The following CCDC178 variants were observed in gnomAD, a reference collection of about 807,000 sequenced individuals.
CCDC178 encodes the protein coiled-coil domain-containing protein 178.
In CCDC178, 126 loss-of-function variants were observed where a neutral mutation model predicts 117.4. That is an observed-to-expected ratio of 1.07 (90% confidence interval 0.93 to 1.24). CCDC178 has a LOEUF of 1.24. CCDC178 is among the 50% of genes most tolerant of loss of function. The probability of loss-of-function intolerance (pLI) is 0.00; values close to 1 mark genes in which losing one functional copy is unlikely to be tolerated. For missense variants in CCDC178, 1,030 were observed against 986.9 expected (o/e 1.04, Z -0.59); for synonymous variants, 283 against 313.4 (o/e 0.90, Z 1.02).
At chr18:32,968,782 T>G (rs2144679660) in intron 22 of CCDC178, among the ~76,000 whole-genome samples, 1 of 152,130 alleles carries the variant, frequency 6.6e-6, no homozygotes, top group Middle Eastern at 3.4e-3. Context: ...AAAATGCATG[T>G]TTTCTATAAA....
At chr18:33,323,866 GAAATCATTATCTCTTCACTCATAAA>G (rs979669413) in intron 10 of CCDC178, among the ~76,000 whole-genome samples, 6 of 151,622 alleles carry the variant, frequency 4.0e-5, no homozygotes, top group Admixed American at 6.6e-5. Flanking sequence ...TGTCCAAAAT[GAAATCATTATCTCTTCACTCATAAA>G]AAATTTTTAT....
At chr18:33,418,940 C>T (rs1265403373) in intron 2 of CCDC178, among the ~76,000 whole-genome samples, 3 of 152,098 alleles carry the variant, frequency 2.0e-5, no homozygotes, top group African/African-American at 7.2e-5. Flanking sequence ...ATTGCTATTC[C>T]TACAAAACTA....
intron 20 of CCDC178, among the ~76,000 whole-genome samples, chr18:33,122,123 A>C (rs1292161182): frequency 1.3e-5 from 2 of 152,158 alleles, no homozygotes; most frequent in African/African-American, 4.8e-5. Flanking sequence ...TTATTAAGTG[A>C]ACTATGAAAT....
At chr18:33,388,765 C>T (rs1026667461) in intron 5 of CCDC178, among the ~76,000 whole-genome samples, 6 of 151,656 alleles carry the variant, frequency 4.0e-5, no homozygotes, top group Non-Finnish European at 5.9e-5. Flanking sequence ...GTGATCCGCC[C>T]GCCTCGGCCT....
chr18:33,338,060 A>G (rs2062765388), intron 9 of CCDC178, among the ~76,000 whole-genome samples: 1 of 152,186 alleles, frequency 6.6e-6, no homozygotes, highest in Non-Finnish European at 1.5e-5. Context: ...AGCCAGAAAA[A>G]ATCAAATAAT....
intron 12 of CCDC178, among the ~76,000 whole-genome samples, chr18:33,292,545 G>T (rs1040997893): frequency 6.6e-6 from 1 of 151,908 alleles, no homozygotes; most frequent in South Asian, 2.1e-4. Flanking sequence ...AATTCATTCT[G>T]TATTTTCCAC....
rs532634728 is a variant in CCDC178, at chr18:33,411,405, T to C, written c.58+626A>G. ...TCCTTACAAATATAAAAACCATTCT[T>C]AATTTGGGGTCTGTAAATAAAAGGC... On this transcript the variant is annotated intron_variant, in intron 3 of 22. Coordinates refer to ENST00000383096, the MANE Select transcript of CCDC178 (RefSeq NM_001105528.4). 3.3e-5 allele frequency among the ~76,000 whole-genome samples: 5 copies of C among 152,238 alleles called. No homozygotes were observed. In the East Asian group the frequency reaches 5.8e-4, roughly 18 times the overall value.
chr18:33,025,703 G>A (rs767890511), intron 21 of CCDC178, among the ~76,000 whole-genome samples: 1 of 151,924 alleles, frequency 6.6e-6, no homozygotes, highest in Non-Finnish European at 1.5e-5. Flanking sequence ...CTAACAAAAC[G>A]GCTAAAACAA....
At chr18:33,061,582 C>T (rs73417427) in intron 21 of CCDC178, among the ~76,000 whole-genome samples, 2,129 of 152,108 alleles carry the variant, frequency 0.014, 53 homozygotes, top group African/African-American at 0.048. Context: ...CTTTAAGTGG[C>T]AAATATTAAC....
At chr18:33,106,803 G>A (rs2145118719) in intron 20 of CCDC178, among the ~76,000 whole-genome samples, 1 of 151,804 alleles carries the variant, frequency 6.6e-6, no homozygotes, top group South Asian at 2.1e-4. Context: ...TCAGAGAGAT[G>A]TGGAGGAAGA....
intron 15 of CCDC178, among the ~76,000 whole-genome samples, chr18:33,230,912 A>C (rs1339286530): frequency 6.6e-6 from 1 of 152,192 alleles, no homozygotes; most frequent in Non-Finnish European, 1.5e-5. Context: ...AAGTTCTTCA[A>C]ATTGCCAATT....
Position 33,221,997 on chromosome 18 carries a change from AT to A in CCDC178, c.1932+1108del, listed in dbSNP as rs1295884797. On this transcript the variant is annotated intron_variant, in intron 18 of 22. Coordinates refer to ENST00000383096, the MANE Select transcript of CCDC178 (RefSeq NM_001105528.4). ...ATGATACAATATTAATATAAAAATA[AT>A]TAAATTACATTAGTGATTCTAAGTT... Among the ~76,000 whole-genome samples the A allele has an allele frequency of 2.4e-4, 36 of 152,106 alleles. 1 individual carries two copies. Among genetic ancestry groups the A allele is most frequent in the African/African-American group, 8.7e-4 (36 of 41,456 alleles).
intron 21 of CCDC178, among the ~76,000 whole-genome samples, chr18:33,029,857 T>C (rs1268771198): frequency 1.3e-5 from 2 of 151,992 alleles, no homozygotes; most frequent in Non-Finnish European, 2.9e-5. Flanking sequence ...GTACTTTGTA[T>C]TATATCAAAT....
At chr18:33,170,619 T>G (rs1281059650) in intron 20 of CCDC178, among the ~76,000 whole-genome samples, 1 of 152,088 alleles carries the variant, frequency 6.6e-6, no homozygotes, top group East Asian at 1.9e-4. Context: ...AAATAATGAC[T>G]TTAATAAATA....
chr18:33,005,035 C>A (rs913036201), intron 21 of CCDC178, among the ~76,000 whole-genome samples: 1 of 152,020 alleles, frequency 6.6e-6, no homozygotes, highest in Non-Finnish European at 1.5e-5. Context: ...ATTAGTACAA[C>A]CACTATGGAA....
chr18:33,301,719 A>G (rs1481673460), intron 11 of CCDC178, among the ~76,000 whole-genome samples: 2 of 152,064 alleles, frequency 1.3e-5, no homozygotes, highest in Non-Finnish European at 2.9e-5. Flanking sequence ...CTTTCTTTCG[A>G]CCAATTTCTC....
At chr18:33,376,128 T>C (rs2063362437) in intron 5 of CCDC178, among the ~76,000 whole-genome samples, 1 of 152,174 alleles carries the variant, frequency 6.6e-6, no homozygotes, top group Admixed American at 6.5e-5. Context: ...AGATTTTATC[T>C]GGAAGCTGCT....
intron 20 of CCDC178, among the ~76,000 whole-genome samples, chr18:33,133,558 T>C (rs2058090241): frequency 6.6e-6 from 1 of 151,878 alleles, no homozygotes; most frequent in Non-Finnish European, 1.5e-5. Flanking sequence ...ACAACAAGCA[T>C]GTGAGGTATC....
intron 11 of CCDC178, among the ~76,000 whole-genome samples, chr18:33,298,384 C>T (rs1015913142): frequency 3.3e-5 from 5 of 152,104 alleles, no homozygotes; most frequent in African/African-American, 7.2e-5. Context: ...GCCATATGAT[C>T]ATCTCAGTAA....
Sources: gnomAD v4.1 joint callset for allele counts (sites outside exome capture counted in the v4.1 genomes callset) on GRCh38, gnomAD v4.1.1 for gene constraint, MANE v1.5 for transcripts, NCBI Gene and HGNC (gene_info 2026-07-23, HGNC 2026-07-21) for gene names.